The following PDE4D variants were observed in gnomAD, a reference collection of about 807,000 sequenced individuals.
The protein encoded by PDE4D is phosphodiesterase 4D, also known as 3',5'-cyclic-AMP phosphodiesterase 4D.
Under a neutral mutation model 87.4 loss-of-function variants are expected in PDE4D, and 24 were observed. The observed-to-expected ratio is 0.27, with a 90% CI of 0.20 to 0.39. The LOEUF is 0.39. Ranked by LOEUF, PDE4D falls within the 10% of genes least tolerant of loss-of-function variation. PDE4D has a pLI of 1.00. For synonymous variants in PDE4D, 384 were observed against 383.2 expected (o/e 1.00, Z -0.02); for missense variants, 714 against 1,041.0 (o/e 0.69, Z 4.32).
chr5:59,123,608 C>T (rs1417145989), intron 5 of PDE4D, among the ~76,000 whole-genome samples: 2 of 152,132 alleles, frequency 1.3e-5, no homozygotes, highest in Non-Finnish European at 2.9e-5. Flanking sequence ...TATTGGAGTT[C>T]TTAATACTAA....
intron 1 of PDE4D, among the ~76,000 whole-genome samples, chr5:59,473,576 A>G (rs998904109): frequency 2.0e-5 from 3 of 152,068 alleles, no homozygotes; most frequent in Non-Finnish European, 4.4e-5. Context: ...TGTGGCTACC[A>G]TCTCAAAATG....
At chr5:59,088,919 T>C (rs1211225267) in intron 5 of PDE4D, among the ~76,000 whole-genome samples, 2 of 152,196 alleles carry the variant, frequency 1.3e-5, no homozygotes, top group African/African-American at 4.8e-5. Context: ...AATCTGTACA[T>C]GTACCCCTGA....
Position 60,395,628 on chromosome 5 carries a change from G to C in PDE4D, c.-90+92314C>G, listed in dbSNP as rs77856527. Among the ~76,000 whole-genome samples, 382 of 152,180 alleles carry C rather than the reference G, an allele frequency of 2.5e-3. 5 individuals are homozygous for C. The highest frequency in any genetic ancestry group is 8.9e-3 in the African/African-American group (369 of 41,526). On this transcript the variant is annotated intron_variant, in intron 1 of 16. Coordinates refer to the PDE4D transcript ENST00000502484. ...AAGTAGTGAGGCAGAAAGGATGAGG[G>C]AAAGGAATTGCTGAGTTAGACTGAA... is the stretch of plus-strand genomic sequence containing the variant.
chr5:60,072,266 C>G (rs188720918), intron 2 of PDE4D, among the ~76,000 whole-genome samples: 5 of 152,160 alleles, frequency 3.3e-5, no homozygotes, highest in Non-Finnish European at 1.5e-5. Flanking sequence ...CTCTAATGAT[C>G]AGTGATACTG....
intron 12 of PDE4D, among the ~76,000 whole-genome samples, chr5:58,976,899 C>T (rs1020668109): frequency 5.3e-5 from 8 of 152,158 alleles, no homozygotes; most frequent in African/African-American, 1.9e-4. Flanking sequence ...TGAGCTGTGG[C>T]CCACACAATC....
intron 5 of PDE4D, among the ~76,000 whole-genome samples, chr5:59,130,624 T>C (rs1173117068): frequency 6.6e-6 from 1 of 152,228 alleles, no homozygotes; most frequent in Non-Finnish European, 1.5e-5. Context: ...GCGTAAGTCC[T>C]AGATTGCATA....
In PDE4D at chr5:60,063,959, C is replaced by T. The variant is rs760407069; in HGVS notation, c.43-75242G>A. On this transcript the variant is annotated intron_variant, in intron 2 of 16. Coordinates refer to the PDE4D transcript ENST00000502484. ...AGTAGGGGTCAGCCATAGATTGGCC[C>T]GAGGAGATGTGCCCATGACACAATT... Among the ~76,000 whole-genome samples, 5 of 152,026 alleles carry T rather than the reference C, an allele frequency of 3.3e-5. No homozygotes were observed. In the South Asian group the frequency reaches 6.2e-4, roughly 19 times the overall value.
At chr5:60,180,658 CA>C (rs1784307966) in intron 2 of PDE4D, among the ~76,000 whole-genome samples, 1 of 152,078 alleles carries the variant, frequency 6.6e-6, no homozygotes, top group Non-Finnish European at 1.5e-5. Flanking sequence ...AGTAGCCATT[CA>C]GTAAATATTT....
intron 1 of PDE4D, among the ~76,000 whole-genome samples, chr5:59,355,327 T>A (rs1781203282): frequency 6.6e-6 from 1 of 152,208 alleles, no homozygotes; most frequent in African/African-American, 2.4e-5. Context: ...TTCGTGAGAT[T>A]TCTCAAATTC....
At chr5:59,092,826 A>G (rs1441949082) in intron 5 of PDE4D, among the ~76,000 whole-genome samples, 1 of 152,178 alleles carries the variant, frequency 6.6e-6, no homozygotes, top group Non-Finnish European at 1.5e-5. Context: ...ATTTATCATC[A>G]TCATCATCTT....
chr5:59,748,690 T>C (rs1382386085), intron 1 of PDE4D, among the ~76,000 whole-genome samples: 4 of 150,828 alleles, frequency 2.7e-5, no homozygotes, highest in African/African-American at 7.3e-5. Flanking sequence ...TTAGGAGATA[T>C]ACCTAATGTA....
rs182231842 is a variant in PDE4D at position 59,631,656 on chromosome 5, C to T, written c.455+261512G>A. On this transcript the variant is annotated intron_variant, in intron 1 of 14. Coordinates refer to ENST00000340635, the MANE Select transcript of PDE4D (RefSeq NM_001104631.2). The stretch of plus-strand genomic sequence containing the variant: ...GGAAGCACAAGGGGCTCGGGAACTC[C>T]CTCCTCTACCCAAGGGAAGTCATGA... Among the ~76,000 whole-genome samples the T allele has an allele frequency of 3.9e-5, 6 of 152,204 alleles. No individual in the cohort carries two copies. In the East Asian group the frequency reaches 1.2e-3, roughly 29 times the overall value.
intron 1 of PDE4D, among the ~76,000 whole-genome samples, chr5:60,262,998 A>G (rs749674882): frequency 1.4e-4 from 22 of 152,202 alleles, no homozygotes; most frequent in Non-Finnish European, 2.2e-4. Flanking sequence ...AAATCACTAC[A>G]TATTATAAAC....
In PDE4D at chr5:59,751,105, C is replaced by A. The variant is rs183281665; in HGVS notation, c.455+142063G>T. Among the ~76,000 whole-genome samples the A allele has an allele frequency of 2.6e-5, 4 of 152,212 alleles. No individual in the cohort carries two copies. The East Asian group carries it at 5.8e-4, about 22-fold the overall frequency. ...TAGGATATTTCACTCCTGACTCTCA[C>A]CTTGGTGAGCTAGTGATAAAATAGA... On this transcript the variant is annotated intron_variant, in intron 1 of 14. Coordinates refer to ENST00000340635, the MANE Select transcript of PDE4D (RefSeq NM_001104631.2).
chr5:59,262,644 C>T (rs189822688), intron 1 of PDE4D, among the ~76,000 whole-genome samples: 10 of 151,958 alleles, frequency 6.6e-5, no homozygotes, highest in African/African-American at 2.2e-4. Context: ...CAGCATCCCT[C>T]CTGTGGAATC....
chr5:60,011,520 C>G (rs1377828091), intron 2 of PDE4D, among the ~76,000 whole-genome samples: 1 of 152,138 alleles, frequency 6.6e-6, no homozygotes, highest in African/African-American at 2.4e-5. Flanking sequence ...TACTTCTATA[C>G]ATTTCTTAAT....
chr5:60,086,169 A>G (rs1774506961), intron 2 of PDE4D, among the ~76,000 whole-genome samples: 1 of 152,226 alleles, frequency 6.6e-6, no homozygotes, highest in Admixed American at 6.5e-5. Context: ...TTATGTTAAG[A>G]AAGTCTTAAA....
chr5:60,345,590 A>G (rs1183449657), intron 1 of PDE4D, among the ~76,000 whole-genome samples: 1 of 151,784 alleles, frequency 6.6e-6, no homozygotes, highest in Non-Finnish European at 1.5e-5. Context: ...AATTAACATT[A>G]TATTGAAAGA....
chr5:59,923,550 G>A (rs1039081887), intron 3 of PDE4D, among the ~76,000 whole-genome samples: 1 of 152,186 alleles, frequency 6.6e-6, no homozygotes, highest in African/African-American at 2.4e-5. Context: ...GAAAGTAAAA[G>A]AAGAGGACAA....
Sources: gnomAD v4.1 joint callset for allele counts (sites outside exome capture counted in the v4.1 genomes callset) on GRCh38, gnomAD v4.1.1 for gene constraint, MANE v1.5 for transcripts, NCBI Gene and HGNC (gene_info 2026-07-23, HGNC 2026-07-21) for gene names.